ZNF331: variants seen among roughly 807,000 people sequenced by gnomAD.
ZNF331 encodes the protein C2H2-like zinc finger protein rearranged in thyroid adenomas.
A neutral mutation model predicts 7.0 loss-of-function variants in ZNF331; 2 were observed. The observed-to-expected ratio is 0.29, with a 90% CI of 0.12 to 0.90. ZNF331 has a LOEUF of 0.90. Among genes scored for constraint, ZNF331 ranks in the 40% least tolerant of loss-of-function variants. The pLI, the probability that ZNF331 is intolerant of heterozygous loss-of-function variation, is 0.58. For synonymous variants in ZNF331, 196 were observed against 205.4 expected (o/e 0.95, Z 0.39); for missense variants, 432 against 587.7 (o/e 0.74, Z 2.74).
At chr19:53,556,350 C>T (rs1255689935) in intron 3 of ZNF331, among the ~76,000 whole-genome samples, 1 of 151,898 alleles carries the variant, frequency 6.6e-6, no homozygotes, top group Non-Finnish European at 1.5e-5. Context: ...AGCCTGGTCA[C>T]ATTTATTAAG....
chr19:53,570,153 G>A (rs936734403), intron 4 of ZNF331, among the ~76,000 whole-genome samples: 1 of 151,700 alleles, frequency 6.6e-6, no homozygotes, highest in Non-Finnish European at 1.5e-5. Flanking sequence ...CTACTTGGTA[G>A]GCTGAGGCAG....
At chr19:53,517,611 G>A (rs1273166855), upstream of ZNF331, among the ~76,000 whole-genome samples, 1 of 152,066 alleles carries the variant, frequency 6.6e-6, no homozygotes, top group Non-Finnish European at 1.5e-5. Flanking sequence ...CTCTCCCCAC[G>A]CAGGTTCAAG....
At chr19:53,553,845 C>G (rs1391786816) in intron 2 of ZNF331, among the ~76,000 whole-genome samples, 1 of 152,216 alleles carries the variant, frequency 6.6e-6, no homozygotes, top group Non-Finnish European at 1.5e-5. Flanking sequence ...CATCACCCCA[C>G]TCAGAGGCCA....
chr19:53,543,785 A>T (rs967888170), intron 2 of ZNF331, among the ~76,000 whole-genome samples: 3 of 152,230 alleles, frequency 2.0e-5, no homozygotes, highest in African/African-American at 7.2e-5. Flanking sequence ...ATCAGTGACG[A>T]AACAGACACT....
At chr19:53,548,097 T>TTTTTCTTTTC (rs752561236) in intron 2 of ZNF331, among the ~76,000 whole-genome samples, 3 of 151,792 alleles carry the variant, frequency 2.0e-5, no homozygotes. Context: ...GCCCGGCTAA[T>TTTTTCTTTTC]TTTTCTTTTC....
At chr19:53,517,036 TCA>T (rs1172317470), upstream of ZNF331, among the ~76,000 whole-genome samples, 2 of 152,288 alleles carry the variant, frequency 1.3e-5, no homozygotes, top group South Asian at 4.2e-4. Context: ...AAGTACACAC[TCA>T]CAGAGATCTA....
At chr19:53,538,772 G>A (rs1431013083) in intron 1 of ZNF331, 2 of 152,850 alleles carry the variant, frequency 1.3e-5, no homozygotes, top group Non-Finnish European at 2.9e-5. Flanking sequence ...GGATGATCGG[G>A]CCTTCTGAGT....
chr19:53,558,479 A>G lies in ZNF331; in HGVS notation c.-74+2571A>G, dbSNP rs1269890257. Among the ~76,000 whole-genome samples the G allele has an allele frequency of 6.6e-6, 1 of 152,062 alleles. No homozygotes were observed. The highest frequency in any genetic ancestry group is 1.5e-5 in the Non-Finnish European group (1 of 68,006). On this transcript the variant is annotated intron_variant, in intron 3 of 5. Transcript: ENST00000449416. The surrounding 1 kb of genome is among the most constrained non-coding windows in gnomAD (Gnocchi z 4.5). Reference sequence around the variant, plus strand: ...AGACTTCATTGGATAGGTGTGACTGAAGCATGCACGAATGTGTTGAAACGT... The same window carrying G: ...AGACTTCATTGGATAGGTGTGACTGGAGCATGCACGAATGTGTTGAAACGT...
rs2090548990 is a variant in ZNF331, at chr19:53,573,238, G to T, written c.136+1508G>T. On this transcript the variant is annotated intron_variant, in intron 5 of 5. Coordinates refer to ENST00000449416, the MANE Select transcript of ZNF331 (RefSeq NM_001079906.2). This position sits in a 1 kb window ranked among gnomAD's most constrained non-coding sequence, Gnocchi z 4.2. ...TGTCTCAAAAATAATAAAAAATAAG[G>T]CCGGGTGCGGTGGCTCACTCCTGTG... Among the ~76,000 whole-genome samples, 1 of 151,870 alleles carries T rather than the reference G, an allele frequency of 6.6e-6. No homozygotes were observed. The highest frequency in any genetic ancestry group is 1.5e-5 in the Non-Finnish European group (1 of 67,954).
chr19:53,518,947 G>A (rs1305482834), upstream of ZNF331, among the ~76,000 whole-genome samples: 1 of 152,246 alleles, frequency 6.6e-6, no homozygotes, highest in Non-Finnish European at 1.5e-5. Context: ...GATGGTGGAA[G>A]AATGTGCTTG....
chr19:53,577,769 A>G lies in ZNF331; in HGVS notation c.1209A>G (p.Arg403=), dbSNP rs1442910349. The G allele has an allele frequency of 1.2e-6, 2 of 1,613,888 alleles. No individual in the cohort carries two copies. Among genetic ancestry groups the G allele is most frequent in the Middle Eastern group, 1.6e-4 (1 of 6,062 alleles). ...IYGSSLVKHE[R]IHTGVKPYGC... ...GATCGAGCCTCGTGAAACATGAGAGAATTCATACCGGGGTGAAACCCTATG... is the reference window on the plus strand; with the variant it reads ...GATCGAGCCTCGTGAAACATGAGAGGATTCATACCGGGGTGAAACCCTATG... The change falls in exon 6 of 6, where the codon AGA becomes AGG. Residue 403 remains arginine, a synonymous_variant. Coordinates refer to ENST00000449416, the MANE Select transcript of ZNF331 (RefSeq NM_001079906.2).
At chr19:53,521,321 A>AGTGAGTGT (rs2087069132) in exon 1 of ZNF331, 2 of 89,754 alleles carry the variant, frequency 2.2e-5, no homozygotes, top group African/African-American at 5.6e-5. Context: ...GGGAAGTGGG[A>AGTGAGTGT]GTGTGTGTGA....
At position 53,576,814 on chromosome 19, in the gene ZNF331, G is replaced by A. The variant is rs1447360185; in HGVS notation, c.254G>A (p.Cys85Tyr). The A allele has an allele frequency of 1.9e-6, 3 of 1,614,182 alleles. No homozygotes were observed. The highest frequency in any genetic ancestry group is 8.5e-7 in the Non-Finnish European group (1 of 1,180,044). ...AAATCCCTTGGCCGTAACTGGATAT[G>A]TGAAGGTACGCTTGAAAGACCACAG... ...RSKSLGRNWI[C>Y]EGTLERPQRS... Residue 85 changes from cysteine to tyrosine, a missense_variant, in exon 6 of 6, where the codon TGT (cysteine) becomes TAT (tyrosine). Cys to Tyr is a radical substitution (Grantham distance 194). This residue lies in a region of ZNF331 where 81 missense variants were observed against 70.3 expected (regional missense o/e 1.15). Transcript: ENST00000449416.
chr19:53,505,008 C>G, the ZNF331 span, among the ~76,000 whole-genome samples: 1 of 152,198 alleles, frequency 6.6e-6, no homozygotes. Context: ...TTATTTGTTG[C>G]TCATTCTCCT....
intron 2 of ZNF331, among the ~76,000 whole-genome samples, chr19:53,553,429 C>T (rs906381043): frequency 1.3e-5 from 2 of 152,162 alleles, no homozygotes; most frequent in African/African-American, 2.4e-5. Context: ...GATACATAGG[C>T]TTTCTCAGTA....
chr19:53,550,850 T>G (rs1197667035), intron 2 of ZNF331, among the ~76,000 whole-genome samples: 1 of 147,356 alleles, frequency 6.8e-6, no homozygotes, highest in Non-Finnish European at 1.5e-5. Flanking sequence ...AATCTTTTTT[T>G]TTTTTTTTCT....
At chr19:53,547,070 T>C (rs1273896437) in intron 2 of ZNF331, among the ~76,000 whole-genome samples, 1 of 152,170 alleles carries the variant, frequency 6.6e-6, no homozygotes, top group East Asian at 1.9e-4. Flanking sequence ...TCACTGATAA[T>C]CATATTTGCA....
upstream of ZNF331, among the ~76,000 whole-genome samples, chr19:53,518,928 G>T (rs2086971651): frequency 6.6e-6 from 1 of 152,154 alleles, no homozygotes; most frequent in Non-Finnish European, 1.5e-5. Context: ...GAGTCCTCTG[G>T]GGAGGACAGA....
chr19:53,527,930 T>C (rs899378430), intron 2 of ZNF331, among the ~76,000 whole-genome samples: 9 of 152,352 alleles, frequency 5.9e-5, no homozygotes, highest in Non-Finnish European at 1.3e-4. Flanking sequence ...ATCAGTGATA[T>C]CTGATGCCTT....
Sources: gnomAD v4.1 joint callset for allele counts (sites outside exome capture counted in the v4.1 genomes callset) on GRCh38, gnomAD v4.1.1 for gene constraint, gnomAD v4.1.1 regional missense constraint, Gnocchi (gnomAD v3.1) non-coding constraint, MANE v1.5 for transcripts, NCBI Gene and HGNC (gene_info 2026-07-23, HGNC 2026-07-21) for gene names.